KIRREL3: variants seen among roughly 807,000 people sequenced by gnomAD.
The protein encoded by KIRREL3 is kirre like nephrin family adhesion molecule 3.
KIRREL3 carries 36 observed loss-of-function variants against 89.7 expected under a neutral mutation model. That is an observed-to-expected ratio of 0.40 (90% CI 0.31 to 0.53). The LOEUF (loss-of-function observed/expected upper bound fraction) is 0.53, where lower values mean the gene tolerates loss of function less well. Ranked by LOEUF, KIRREL3 falls within the 20% of genes least tolerant of loss-of-function variation. KIRREL3 has a pLI of 0.49. For synonymous variants in KIRREL3, 445 were observed against 441.4 expected (o/e 1.01, Z -0.10); for missense variants, 864 against 1,056.6 (o/e 0.82, Z 2.53).
At chr11:126,464,325 T>C (rs1225469336) in intron 5 of KIRREL3, among the ~76,000 whole-genome samples, 1 of 105,406 alleles carries the variant, frequency 9.5e-6, no homozygotes, top group Non-Finnish European at 1.8e-5. Flanking sequence ...CTGGGCAACA[T>C]AGGAAGATCC....
chr11:126,519,894 T>C lies in KIRREL3; in HGVS notation c.433+1421A>G, dbSNP rs1466657297. Among the ~76,000 whole-genome samples, 2 of 152,128 alleles carry C rather than the reference T, an allele frequency of 1.3e-5. No homozygotes were observed. The highest frequency in any genetic ancestry group is 4.8e-5 in the African/African-American group (2 of 41,446). On this transcript the variant is annotated intron_variant, in intron 4 of 16. Coordinates refer to ENST00000525144, the MANE Select transcript of KIRREL3 (RefSeq NM_032531.4). This position sits in a 1 kb window ranked among gnomAD's most constrained non-coding sequence, Gnocchi z 4.3. ...GCGCTGCTGCCTTTAATACCCCAATTACTCCTCGGAAGGCCCGCTTCCCGG... is the reference window on the plus strand; with the variant it reads ...GCGCTGCTGCCTTTAATACCCCAATCACTCCTCGGAAGGCCCGCTTCCCGG...
At chr11:126,856,760 C>T (rs887368311) in intron 1 of KIRREL3, among the ~76,000 whole-genome samples, 20 of 151,780 alleles carry the variant, frequency 1.3e-4, no homozygotes, top group Non-Finnish European at 2.2e-4. Flanking sequence ...GGACTACAGG[C>T]GCCCGCCACC....
Position 126,705,498 on chromosome 11 carries a change from T to C in KIRREL3, c.56-142586A>G, listed in dbSNP as rs927332300. 1.3e-5 allele frequency among the ~76,000 whole-genome samples: 2 copies of C among 152,184 alleles called. No individual in the cohort carries two copies. The highest frequency in any genetic ancestry group is 4.8e-5 in the African/African-American group (2 of 41,444). On this transcript the variant is annotated intron_variant, in intron 1 of 16. Coordinates refer to ENST00000525144, the MANE Select transcript of KIRREL3 (RefSeq NM_032531.4). The surrounding 1 kb of genome is among the most constrained non-coding windows in gnomAD (Gnocchi z 4.3). ...GCTCCTGCTTCACCTTCTGCCATGATTGGAAGCTTCCTGAGGCCTCACCAG... is the reference window on the plus strand; with the variant it reads ...GCTCCTGCTTCACCTTCTGCCATGACTGGAAGCTTCCTGAGGCCTCACCAG...
At position 126,764,722 on chromosome 11, in the gene KIRREL3, A is replaced by G. The variant is rs1163563448; in HGVS notation, c.56-201810T>C. ...GAATGCTGCTTTTATGTTATTGCAC[A>G]CATGAGTGGAACATACTATCCAGCT... On this transcript the variant is annotated intron_variant, in intron 1 of 16. Transcript: ENST00000525144. The surrounding 1 kb of genome is among the most constrained non-coding windows in gnomAD (Gnocchi z 4.2). Among the ~76,000 whole-genome samples the G allele has an allele frequency of 6.6e-6, 1 of 152,158 alleles. No individual in the cohort carries two copies. The highest frequency in any genetic ancestry group is 2.4e-5 in the African/African-American group (1 of 41,440).
chr11:126,901,881 T>C (rs1274895280), intron 1 of KIRREL3, among the ~76,000 whole-genome samples: 1 of 152,234 alleles, frequency 6.6e-6, no homozygotes, highest in Non-Finnish European at 1.5e-5. Context: ...TGAGTTTTCC[T>C]GGAACTAATG....
intron 1 of KIRREL3, among the ~76,000 whole-genome samples, chr11:126,833,912 A>T (rs1053991873): frequency 2.0e-5 from 3 of 152,206 alleles, no homozygotes; most frequent in Non-Finnish European, 4.4e-5. Context: ...CTAAAGCTTT[A>T]TTCCCTTGCA....
chr11:126,889,975 C>T (rs1376500129), intron 1 of KIRREL3, among the ~76,000 whole-genome samples: 1 of 152,202 alleles, frequency 6.6e-6, no homozygotes, highest in Non-Finnish European at 1.5e-5. Flanking sequence ...CAATCATAGC[C>T]TCTAATTGCA....
intron 1 of KIRREL3, chr11:126,681,943 A>G (rs1475291751): frequency 2.2e-6 from 1 of 453,996 alleles, no homozygotes; most frequent in African/African-American, 2.0e-5. Context: ...TTTCAGCAAC[A>G]GATTTTACAC....
intron 1 of KIRREL3, among the ~76,000 whole-genome samples, chr11:126,674,975 A>T (rs889719768): frequency 6.6e-6 from 1 of 152,150 alleles, no homozygotes; most frequent in African/African-American, 2.4e-5. Context: ...ACCTGATGGG[A>T]TTTGCCTCAC....
chr11:126,767,070 T>C lies in KIRREL3; in HGVS notation c.56-204158A>G, dbSNP rs542015049. On this transcript the variant is annotated intron_variant, in intron 1 of 16. Transcript: ENST00000525144. ...GCTGATTTAATGTGACAAAGAGATATGCCTGGCCCAGAGGGCCCCAGAGCT... is the reference window on the plus strand; with the variant it reads ...GCTGATTTAATGTGACAAAGAGATACGCCTGGCCCAGAGGGCCCCAGAGCT... 3.9e-5 allele frequency among the ~76,000 whole-genome samples: 6 copies of C among 152,316 alleles called. No individual in the cohort carries two copies. The South Asian group carries it at 6.2e-4, about 16-fold the overall frequency.
intron 1 of KIRREL3, among the ~76,000 whole-genome samples, chr11:126,980,872 A>G (rs1949703795): frequency 6.6e-6 from 1 of 152,210 alleles, no homozygotes; most frequent in Admixed American, 6.5e-5. Flanking sequence ...ACTCACAAAT[A>G]TATTTTCATT....
Position 126,959,352 on chromosome 11 carries a change from C to T in KIRREL3, c.55+41103G>A, listed in dbSNP as rs530832520. Among the ~76,000 whole-genome samples the T allele has an allele frequency of 8.5e-5, 13 of 152,130 alleles. No homozygotes were observed. The South Asian group carries it at 1.9e-3, about 22-fold the overall frequency. ...AAAGACACACATGTGCACGTGCATG[C>T]GAGTGTGCACACACACATACACACA... On this transcript the variant is annotated intron_variant, in intron 1 of 16. Coordinates refer to ENST00000525144, the MANE Select transcript of KIRREL3 (RefSeq NM_032531.4).
At position 126,537,084 on chromosome 11, in the gene KIRREL3, G is replaced by A. The variant is rs1937957753; in HGVS notation, c.134-10397C>T. Among the ~76,000 whole-genome samples, 1 of 152,176 alleles carries A rather than the reference G, an allele frequency of 6.6e-6. No individual in the cohort carries two copies. Among genetic ancestry groups the A allele is most frequent in the Non-Finnish European group, 1.5e-5 (1 of 68,032 alleles). ...GCCTTTGTTCCAGCAGCAGATTGAG[G>A]GGACATGACCACTCCCCTTAGGATT... On this transcript the variant is annotated intron_variant, in intron 2 of 16. Transcript: ENST00000525144. This position sits in a 1 kb window ranked among gnomAD's most constrained non-coding sequence, Gnocchi z 4.3.
intron 1 of KIRREL3, among the ~76,000 whole-genome samples, chr11:126,779,527 T>C (rs1287321481): frequency 6.6e-6 from 1 of 152,174 alleles, no homozygotes; most frequent in Non-Finnish European, 1.5e-5. Context: ...TGCCCAATCA[T>C]TATAACACAT....
chr11:126,626,909 G>A (rs1393101959), intron 1 of KIRREL3, among the ~76,000 whole-genome samples: 2 of 152,084 alleles, frequency 1.3e-5, no homozygotes, highest in African/African-American at 4.8e-5. Context: ...TCAGGAGGCT[G>A]AGGCAGGAGA....
intron 1 of KIRREL3, among the ~76,000 whole-genome samples, chr11:126,862,847 C>A (rs912734420): frequency 1.3e-5 from 2 of 152,048 alleles, no homozygotes; most frequent in African/African-American, 4.8e-5. Flanking sequence ...ACACTCGAGG[C>A]CCGGTCTACA....
Position 126,771,928 on chromosome 11 carries a change from GC to G in KIRREL3, c.56-209017del, listed in dbSNP as rs926018549. ...CAGCAATAGAAGACGACGTCCTCTT[GC>G]CTTGGCTAGATCCTAATGCCCTCGA... On this transcript the variant is annotated intron_variant, in intron 1 of 16. Coordinates refer to ENST00000525144, the MANE Select transcript of KIRREL3 (RefSeq NM_032531.4). This position sits in a 1 kb window ranked among gnomAD's most constrained non-coding sequence, Gnocchi z 4.4. Among the ~76,000 whole-genome samples, 1 of 152,202 alleles carries G rather than the reference GC, an allele frequency of 6.6e-6. No homozygotes were observed. The highest frequency in any genetic ancestry group is 2.4e-5 in the African/African-American group (1 of 41,444).
In KIRREL3 at chr11:126,431,182, C is replaced by G; in HGVS notation, c.1696+237G>C. On this transcript the variant is annotated intron_variant, in intron 14 of 16. Coordinates refer to ENST00000525144, the MANE Select transcript of KIRREL3 (RefSeq NM_032531.4). This position sits in a 1 kb window ranked among gnomAD's most constrained non-coding sequence, Gnocchi z 7.1. ...TGTTCAATCCAAAATGCTGGCTGCC[C>G]TGCAGATGAAGTTCAGTCTAGTCCA... 1 of 1,458,918 alleles carries G rather than the reference C, an allele frequency of 6.9e-7. No individual in the cohort carries two copies. The highest frequency in any genetic ancestry group is 9.1e-7 in the Non-Finnish European group (1 of 1,104,462). The allele number at this position is 1,458,918 out of a possible 1,614,324, so 90.4% of individuals were successfully genotyped here.
At chr11:126,785,080 T>C (rs1400583171) in intron 1 of KIRREL3, among the ~76,000 whole-genome samples, 1 of 152,056 alleles carries the variant, frequency 6.6e-6, no homozygotes, top group African/African-American at 2.4e-5. Flanking sequence ...CCTGTGAAGA[T>C]GAAGTAGGGG....
Sources: allele counts gnomAD v4.1 joint callset (sites outside exome capture counted in the v4.1 genomes callset), GRCh38; gene constraint gnomAD v4.1.1; non-coding constraint Gnocchi (gnomAD v3.1); transcripts MANE v1.5; gene names NCBI Gene and HGNC (gene_info 2026-07-23, HGNC 2026-07-21).